SIPA1L1: variants seen among roughly 807,000 people sequenced by gnomAD.
SIPA1L1 encodes the protein signal-induced proliferation-associated 1-like protein 1.
In SIPA1L1, 26 loss-of-function variants were observed where a neutral mutation model predicts 162.7. The observed-to-expected ratio is 0.16, with a 90% CI of 0.12 to 0.22. SIPA1L1 has a LOEUF of 0.22. SIPA1L1 is among the 10% of genes least tolerant of loss of function. The probability of loss-of-function intolerance (pLI) is 1.00; values close to 1 mark genes in which losing one functional copy is unlikely to be tolerated. For synonymous variants in SIPA1L1, 829 were observed against 837.4 expected (o/e 0.99, Z 0.17); for missense variants, 1,874 against 2,241.0 (o/e 0.84, Z 3.31).
rs1019389001 is a variant in SIPA1L1 at position 71,377,226 on chromosome 14, G to A, written c.-465+56045G>A. Among the ~76,000 whole-genome samples the A allele has an allele frequency of 3.4e-4, 52 of 151,296 alleles. No homozygotes were observed. The highest frequency in any genetic ancestry group is 1.1e-3 in the African/African-American group (47 of 41,240). On this transcript the variant is annotated intron_variant, in intron 2 of 23. Coordinates refer to ENST00000381232, the MANE Select transcript of SIPA1L1 (RefSeq NM_001386936.1). This position sits in a 1 kb window ranked among gnomAD's most constrained non-coding sequence, Gnocchi z 4.8. ...CCCCCCACCTCCCAGATGGGGTGGCGGCTGGGCGGGGGTGCCCCCCCACCT... is the reference window on the plus strand; with the variant it reads ...CCCCCCACCTCCCAGATGGGGTGGCAGCTGGGCGGGGGTGCCCCCCCACCT...
intron 6 of SIPA1L1, among the ~76,000 whole-genome samples, chr14:71,620,008 G>A (rs553635628): frequency 6.6e-6 from 1 of 152,314 alleles, no homozygotes; most frequent in Non-Finnish European, 1.5e-5. Flanking sequence ...CATGTTCTGT[G>A]TTTTGGACTT....
At chr14:71,480,059 A>G (rs1014951119) in intron 2 of SIPA1L1, among the ~76,000 whole-genome samples, 1 of 151,874 alleles carries the variant, frequency 6.6e-6, no homozygotes, top group Non-Finnish European at 1.5e-5. Flanking sequence ...TTTAAATACA[A>G]AGTTTAGACT....
intron 1 of SIPA1L1, 59 bp from the exon 2 acceptor site, chr14:71,321,063 C>T (rs951383130): frequency 1.3e-5 from 2 of 152,132 alleles, no homozygotes; most frequent in Non-Finnish European, 2.9e-5. Context: ...CCGCTCTCCG[C>T]AGAGGAGGCG....
At chr14:71,391,707 T>C (rs1313387521) in intron 2 of SIPA1L1, among the ~76,000 whole-genome samples, 2 of 152,214 alleles carry the variant, frequency 1.3e-5, no homozygotes, top group Non-Finnish European at 2.9e-5. Flanking sequence ...TGTCGTCTTC[T>C]GACCAACTAG....
chr14:71,591,846 A>G (rs1167325277), intron 5 of SIPA1L1, among the ~76,000 whole-genome samples: 1 of 152,214 alleles, frequency 6.6e-6, no homozygotes, highest in African/African-American at 2.4e-5. Flanking sequence ...ATTTTTTCAT[A>G]GCTGTCCTGC....
intron 12 of SIPA1L1, among the ~76,000 whole-genome samples, chr14:71,673,257 A>G (rs528474330): frequency 3.9e-5 from 6 of 152,342 alleles, no homozygotes; most frequent in African/African-American, 1.4e-4. Flanking sequence ...ACTGTTGAAA[A>G]TTTAATTTCT....
chr14:71,462,843 G>A (rs190423453), intron 2 of SIPA1L1, among the ~76,000 whole-genome samples: 1 of 152,342 alleles, frequency 6.6e-6, no homozygotes, highest in East Asian at 1.9e-4. Context: ...ATACCTCTGA[G>A]GCAGGACAGT....
chr14:71,612,212 G>A (rs2038306366), intron 5 of SIPA1L1, among the ~76,000 whole-genome samples: 1 of 152,146 alleles, frequency 6.6e-6, no homozygotes, highest in Admixed American at 6.5e-5. Context: ...GTAATTCTAA[G>A]ATTTGGATGT....
intron 2 of SIPA1L1, among the ~76,000 whole-genome samples, chr14:71,387,264 A>AG: frequency 6.6e-6 from 1 of 150,518 alleles, no homozygotes; most frequent in South Asian, 2.1e-4. Flanking sequence ...AAAAAAAAAA[A>AG]AAAAAAAAAA....
Position 71,611,861 on chromosome 14 carries a change from CAT to C in SIPA1L1, c.1499-6893_1499-6892del, listed in dbSNP as rs372765337. 1.1e-4 allele frequency among the ~76,000 whole-genome samples: 17 copies of C among 152,262 alleles called. 1 individual carries two copies. Among genetic ancestry groups the C allele is most frequent in the African/African-American group, 3.9e-4 (16 of 41,550 alleles). On this transcript the variant is annotated intron_variant, in intron 5 of 23. Transcript: ENST00000381232. ...CTATTGTAAATACTGCTGCAATAAA[CAT>C]ATGTGTGCATGTGTATGTCTAATGA...
rs749612509 is a variant in SIPA1L1, at chr14:71,724,794, G to A, written c.4573G>A (p.Asp1525Asn). The change falls in exon 19 of 24, where the codon GAT (aspartate) becomes AAT (asparagine). Residue 1525 changes from aspartate (D) to asparagine (N), a missense_variant. By Grantham distance (23) the Asp-to-Asn change is conservative (BLOSUM62 1). Around this residue, in one of 5 missense-constraint regions of SIPA1L1, gnomAD observed 936 missense variants for 1,051.9 expected, o/e 0.89. Coordinates refer to ENST00000381232, the MANE Select transcript of SIPA1L1 (RefSeq NM_001386936.1). ...TIEEDLKKLI[D>N]LESPTPESQK... ...TGAAGAAGATCTAAAGAAACTAATT[G>A]ATCTTGAAAGCCCAACTCCTGAATC... 6.2e-7 allele frequency: 1 copy of A among 1,614,122 alleles called. No individual in the cohort carries two copies. The highest frequency in any genetic ancestry group is 8.5e-7 in the Non-Finnish European group (1 of 1,180,016).
At chr14:71,719,531 G>A (rs564473192) in intron 17 of SIPA1L1, among the ~76,000 whole-genome samples, 2 of 152,080 alleles carry the variant, frequency 1.3e-5, no homozygotes, top group African/African-American at 4.8e-5. Flanking sequence ...CCTAGTAACC[G>A]ATGATGTTGA....
intron 2 of SIPA1L1, among the ~76,000 whole-genome samples, chr14:71,462,924 A>G (rs548589084): frequency 3.3e-4 from 51 of 152,346 alleles, no homozygotes; most frequent in African/African-American, 9.4e-4. Flanking sequence ...AGGAATGGAG[A>G]AAAAGGCATT....
At chr14:71,514,237 G>A (rs1305902697) in intron 3 of SIPA1L1, among the ~76,000 whole-genome samples, 1 of 152,184 alleles carries the variant, frequency 6.6e-6, no homozygotes, top group Admixed American at 6.5e-5. Context: ...CATACTTCCA[G>A]GGTCTGGCGT....
intron 4 of SIPA1L1, among the ~76,000 whole-genome samples, chr14:71,578,890 G>A (rs1024892248): frequency 8.5e-5 from 13 of 152,248 alleles, no homozygotes; most frequent in African/African-American, 3.1e-4. Context: ...ATTTTACTAA[G>A]CGTGAAAAAT....
chr14:71,539,267 G>A (rs2054168403), intron 4 of SIPA1L1, among the ~76,000 whole-genome samples: 1 of 152,140 alleles, frequency 6.6e-6, no homozygotes, highest in African/African-American at 2.4e-5. Flanking sequence ...AGAAATGGAG[G>A]AGAATATTGT....
At chr14:71,582,956 T>C (rs1407163289) in intron 4 of SIPA1L1, among the ~76,000 whole-genome samples, 1 of 152,222 alleles carries the variant, frequency 6.6e-6, no homozygotes, top group African/African-American at 2.4e-5. Context: ...GCAACTTTTA[T>C]GTAATGTGAG....
intron 3 of SIPA1L1, among the ~76,000 whole-genome samples, chr14:71,523,139 G>C (rs750145961): frequency 6.6e-6 from 1 of 151,300 alleles, no homozygotes; most frequent in Non-Finnish European, 1.5e-5. Flanking sequence ...TAAATTTCTC[G>C]ATGGTTTGGT....
intron 2 of SIPA1L1, among the ~76,000 whole-genome samples, chr14:71,500,930 C>T (rs1311341581): frequency 6.6e-6 from 1 of 152,170 alleles, no homozygotes; most frequent in Non-Finnish European, 1.5e-5. Context: ...TGCTTAAACC[C>T]GGGAGGCAGA....
Sources: gnomAD v4.1 joint callset for allele counts (sites outside exome capture counted in the v4.1 genomes callset) on GRCh38, gnomAD v4.1.1 for gene constraint, gnomAD v4.1.1 regional missense constraint, Gnocchi (gnomAD v3.1) non-coding constraint, MANE v1.5 for transcripts, NCBI Gene and HGNC (gene_info 2026-07-23, HGNC 2026-07-21) for gene names.